Variants in NFATC3 observed in about 807,000 individuals in gnomAD.
NFATC3 encodes the protein nuclear factor of activated T-cells, cytoplasmic 3.
Under a neutral mutation model 98.6 loss-of-function variants are expected in NFATC3, and 46 were observed. The ratio of observed to expected loss-of-function variants is 0.47; its 90% confidence interval spans 0.37 to 0.60. The LOEUF is 0.60. Among genes scored for constraint, NFATC3 ranks in the 20% least tolerant of loss-of-function variants. NFATC3 has a pLI of 0.00. For synonymous variants in NFATC3, 512 were observed against 472.2 expected (o/e 1.08, Z -1.09); for missense variants, 1,256 against 1,295.5 (o/e 0.97, Z 0.47).
At chr16:68,164,885 A>T (rs1055287188) in intron 4 of NFATC3, among the ~76,000 whole-genome samples, 1 of 152,228 alleles carries the variant, frequency 6.6e-6, no homozygotes, top group African/African-American at 2.4e-5. Context: ...TCTCAAAAAA[A>T]TTTAAAAAAC....
chr16:68,194,190 T>C (rs1007498035), intron 9 of NFATC3, among the ~76,000 whole-genome samples: 1 of 152,182 alleles, frequency 6.6e-6, no homozygotes, highest in African/African-American at 2.4e-5. Flanking sequence ...AATCCAGTCT[T>C]TTTCTTGTGG....
At chr16:68,192,177 CA>C (rs1406418563) in intron 9 of NFATC3, 1 of 134,528 alleles carries the variant, frequency 7.4e-6, no homozygotes, top group Non-Finnish European at 1.5e-5. Context: ...CATTGCACTC[CA>C]GCCTGGGCGG....
intron 3 of NFATC3, among the ~76,000 whole-genome samples, chr16:68,155,191 G>C (rs1293393840): frequency 1.3e-5 from 2 of 152,184 alleles, no homozygotes; most frequent in Non-Finnish European, 2.9e-5. Context: ...GGCTGGACAA[G>C]TAGGCGGGAA....
Position 68,227,281 on chromosome 16 carries a change from A to G in NFATC3, c.*810A>G, listed in dbSNP as rs973783885. On this transcript the variant is annotated 3_prime_UTR_variant, in exon 10 of 10. Coordinates refer to ENST00000346183, the MANE Select transcript of NFATC3 (RefSeq NM_173165.3). ...TGAATGGTGGGGTTCTAGCTTGGTC[A>G]CTTTCATTTCTTGCCATCATAAAAA... The G allele has an allele frequency of 1.3e-5, 2 of 152,166 alleles. No homozygotes were observed. The highest frequency in any genetic ancestry group is 2.9e-5 in the Non-Finnish European group (2 of 68,036). The allele number at this position is 152,166 out of a possible 1,614,324, so 9.4% of individuals were successfully genotyped here. A position where few individuals can be genotyped will look rare whatever the true frequency, so the allele number is the denominator to read the frequency against.
At chr16:68,168,720 G>A (rs1043605775) in intron 5 of NFATC3, among the ~76,000 whole-genome samples, 2 of 151,768 alleles carry the variant, frequency 1.3e-5, no homozygotes, top group Non-Finnish European at 2.9e-5. Context: ...TCCTGACCTC[G>A]TGATCTGCCC....
intron 3 of NFATC3, among the ~76,000 whole-genome samples, chr16:68,151,558 A>G (rs1411271944): frequency 2.0e-5 from 3 of 152,216 alleles, no homozygotes; most frequent in Non-Finnish European, 2.9e-5. Flanking sequence ...CTGATGGGAT[A>G]TTCTCAAATT....
At chr16:68,219,307 C>G (rs1036464465) in intron 9 of NFATC3, among the ~76,000 whole-genome samples, 1 of 151,980 alleles carries the variant, frequency 6.6e-6, no homozygotes, top group Non-Finnish European at 1.5e-5. Context: ...TGCTTGAACC[C>G]GGGAGGCGGA....
intron 3 of NFATC3, among the ~76,000 whole-genome samples, chr16:68,141,873 A>C (rs769039025): frequency 1.3e-5 from 2 of 152,064 alleles, no homozygotes; most frequent in African/African-American, 2.4e-5. Context: ...TCTTAATCAT[A>C]AATTCTTTGC....
chr16:68,215,102 G>T (rs963213145), intron 9 of NFATC3, among the ~76,000 whole-genome samples: 1 of 152,114 alleles, frequency 6.6e-6, no homozygotes, highest in Non-Finnish European at 1.5e-5. Context: ...CTTCCTAAAT[G>T]CCATTTGAAT....
intron 2 of NFATC3, among the ~76,000 whole-genome samples, chr16:68,123,859 C>T (rs956715909): frequency 6.6e-6 from 1 of 151,734 alleles, no homozygotes; most frequent in South Asian, 2.1e-4. Context: ...GTGGCACACA[C>T]CTATAGTCCC....
At chr16:68,153,178 C>T (rs2038429083) in intron 3 of NFATC3, among the ~76,000 whole-genome samples, 1 of 152,054 alleles carries the variant, frequency 6.6e-6, no homozygotes, top group East Asian at 1.9e-4. Context: ...AGGTGGATCA[C>T]CTGAGGCCAG....
At chr16:68,175,759 C>T (rs1246434996) in intron 6 of NFATC3, among the ~76,000 whole-genome samples, 12 of 151,948 alleles carry the variant, frequency 7.9e-5, no homozygotes, top group Admixed American at 5.9e-4. Flanking sequence ...GGGATTTTGC[C>T]ACCTTGGCTA....
At chr16:68,114,041 T>A (rs1815440188) in intron 1 of NFATC3, among the ~76,000 whole-genome samples, 1 of 152,216 alleles carries the variant, frequency 6.6e-6, no homozygotes, top group South Asian at 2.1e-4. Context: ...CTGAGCAGGT[T>A]GCACAGCTCT....
intron 9 of NFATC3, among the ~76,000 whole-genome samples, chr16:68,209,949 C>G (rs1227909710): frequency 6.6e-6 from 1 of 150,542 alleles, no homozygotes. Context: ...GCAGATTGCT[C>G]GAGCCCAAGA....
rs1022804995 is a variant in NFATC3, at chr16:68,172,492, C to T, written c.1775-1882C>T. Among the ~76,000 whole-genome samples the T allele has an allele frequency of 5.9e-5, 9 of 152,188 alleles. No homozygotes were observed. The South Asian group carries it at 6.2e-4, about 11-fold the overall frequency. On this transcript the variant is annotated intron_variant, in intron 5 of 9. Coordinates refer to ENST00000346183, the MANE Select transcript of NFATC3 (RefSeq NM_173165.3). ...AAAAACCATTAGAGGTCAGGTATGC[C>T]GACTCACACCTGTAATCCCAACTCT...
chr16:68,182,799 A>G (rs112324580), intron 7 of NFATC3, among the ~76,000 whole-genome samples: 1,992 of 152,274 alleles, frequency 0.013, 43 homozygotes, highest in African/African-American at 0.045. Flanking sequence ...GATTACAAGT[A>G]TGAGCTATCA....
intron 9 of NFATC3, among the ~76,000 whole-genome samples, chr16:68,204,552 G>T (rs938831005): frequency 1.3e-5 from 2 of 152,184 alleles, no homozygotes; most frequent in African/African-American, 2.4e-5. Context: ...GCGTTATATG[G>T]CCACAAATAA....
chr16:68,086,158 A>T (rs2034362602), intron 1 of NFATC3, among the ~76,000 whole-genome samples: 1 of 152,132 alleles, frequency 6.6e-6, no homozygotes, highest in African/African-American at 2.4e-5. Flanking sequence ...CATCTATTCT[A>T]GGTCGTTTCT....
chr16:68,185,304 T>C (rs1037695400), intron 8 of NFATC3, among the ~76,000 whole-genome samples: 2 of 152,130 alleles, frequency 1.3e-5, no homozygotes, highest in Admixed American at 6.5e-5. Flanking sequence ...TTTTCCTCCC[T>C]TTTTGTTTTT....
Sources: gnomAD v4.1 joint callset for allele counts (sites outside exome capture counted in the v4.1 genomes callset) on GRCh38, gnomAD v4.1.1 for gene constraint, MANE v1.5 for transcripts, NCBI Gene and HGNC (gene_info 2026-07-23, HGNC 2026-07-21) for gene names.